PCGF5: variants seen among roughly 807,000 people sequenced by gnomAD.
The protein encoded by PCGF5 is polycomb group ring finger 5, also known as polycomb group RING finger protein 5.
PCGF5 carries 9 observed loss-of-function variants against 44.3 expected under a neutral mutation model. The ratio of observed to expected loss-of-function variants is 0.20; its 90% CI spans 0.12 to 0.35. The LOEUF is 0.35. Ranked by LOEUF, PCGF5 falls within the 10% of genes least tolerant of loss-of-function variation. PCGF5 has a pLI of 1.00. For missense variants in PCGF5, 146 were observed against 305.3 expected (o/e 0.48, Z 3.89); for synonymous variants, 95 against 102.5 (o/e 0.93, Z 0.44).
rs1248903938 is a variant in PCGF5 at position 91,283,888 on chromosome 10, A to G, written c.*5572A>G. The stretch of plus-strand genomic sequence containing the variant: ...CAAAAGTGGTAACATCTTAATACAA[A>G]TAAAAACCTTTTTGTGGTTGTAAGA... On this transcript the variant is annotated 3_prime_UTR_variant, in exon 10 of 10. Coordinates refer to ENST00000336126, the MANE Select transcript of PCGF5 (RefSeq NM_032373.5). 1 of 152,686 alleles carries G rather than the reference A, an allele frequency of 6.5e-6. No homozygotes were observed. Among genetic ancestry groups the G allele is most frequent in the Admixed American group, 6.5e-5 (1 of 15,284 alleles). The allele number at this position is 152,686 out of a possible 1,614,324, so 9.5% of individuals were successfully genotyped here.
At chr10:91,159,229 G>T (rs1843351640), upstream of PCGF5, among the ~76,000 whole-genome samples, 1 of 152,102 alleles carries the variant, frequency 6.6e-6, no homozygotes, top group African/African-American at 2.4e-5. Flanking sequence ...TTTACTAGCT[G>T]GATAGCCACA....
intron 6 of PCGF5, among the ~76,000 whole-genome samples, chr10:91,256,923 C>T (rs1328770960): frequency 6.6e-6 from 1 of 151,752 alleles, no homozygotes; most frequent in Non-Finnish European, 1.5e-5. Context: ...GAAATGACAC[C>T]AAAAGCACAA....
intron 8 of PCGF5, among the ~76,000 whole-genome samples, chr10:91,270,312 T>C (rs1431804167): frequency 6.6e-6 from 1 of 152,142 alleles, no homozygotes; most frequent in Non-Finnish European, 1.5e-5. Context: ...CTTTGCTTTA[T>C]TTGCATTAGT....
intron 6 of PCGF5, among the ~76,000 whole-genome samples, chr10:91,260,255 A>G (rs1185454341): frequency 1.3e-5 from 2 of 152,204 alleles, no homozygotes; most frequent in Non-Finnish European, 2.9e-5. Context: ...TCAAACCACA[A>G]TGAGATACCA....
chr10:91,249,149 T>G (rs928469152), intron 5 of PCGF5, among the ~76,000 whole-genome samples: 3 of 151,880 alleles, frequency 2.0e-5, no homozygotes, highest in Admixed American at 2.0e-4. Context: ...CAGGAGATTT[T>G]ACTATGCTCT....
chr10:91,275,984 T>C (rs891834864), intron 9 of PCGF5, among the ~76,000 whole-genome samples: 14 of 152,008 alleles, frequency 9.2e-5, no homozygotes, highest in Non-Finnish European at 1.6e-4. Flanking sequence ...CAGCATAATA[T>C]ACAGCTGTTA....
intron 1 of PCGF5, among the ~76,000 whole-genome samples, chr10:91,188,337 G>A (rs1370305342): frequency 6.6e-6 from 1 of 152,176 alleles, no homozygotes; most frequent in Admixed American, 6.5e-5. Flanking sequence ...ACCTGGAAAA[G>A]CAGATGGATG....
At chr10:91,182,537 C>T (rs1167103637) in intron 1 of PCGF5, among the ~76,000 whole-genome samples, 1 of 151,992 alleles carries the variant, frequency 6.6e-6, no homozygotes, top group Non-Finnish European at 1.5e-5. Context: ...TTTCATGTCA[C>T]GATCTCCTTT....
chr10:91,234,248 G>A (rs144613662), intron 2 of PCGF5, among the ~76,000 whole-genome samples: 4 of 152,250 alleles, frequency 2.6e-5, no homozygotes, highest in East Asian at 1.9e-4. Flanking sequence ...ATTGGGAAGC[G>A]GCAAAACAAA....
At chr10:91,172,807 C>T (rs1843633607) in intron 1 of PCGF5, among the ~76,000 whole-genome samples, 1 of 152,168 alleles carries the variant, frequency 6.6e-6, no homozygotes, top group Non-Finnish European at 1.5e-5. Flanking sequence ...GCTTTCACAG[C>T]TATATTTAGT....
intron 2 of PCGF5, among the ~76,000 whole-genome samples, chr10:91,236,741 T>A (rs536889968): frequency 5.9e-5 from 9 of 152,350 alleles, no homozygotes; most frequent in African/African-American, 2.2e-4. Flanking sequence ...AACCAAATCC[T>A]CATTTTACTT....
chr10:91,197,590 T>A (rs1350504105), intron 1 of PCGF5, among the ~76,000 whole-genome samples: 2 of 152,122 alleles, frequency 1.3e-5, no homozygotes, highest in Non-Finnish European at 2.9e-5. Flanking sequence ...TGGTATGAGC[T>A]CACAAAGAAC....
chr10:91,231,804 A>T (rs2133313800), intron 2 of PCGF5, among the ~76,000 whole-genome samples: 1 of 152,342 alleles, frequency 6.6e-6, no homozygotes, highest in East Asian at 1.9e-4. Context: ...CATTGCAGTA[A>T]TCCAGGCAGG....
intron 5 of PCGF5, among the ~76,000 whole-genome samples, chr10:91,249,408 T>C (rs1398853691): frequency 7.1e-5 from 6 of 84,602 alleles, no homozygotes; most frequent in African/African-American, 2.8e-4. Context: ...TATATATATA[T>C]ATATATATAT....
intron 3 of PCGF5, 71 bp from the exon 4 acceptor site, chr10:91,248,434 A>G: frequency 7.6e-7 from 1 of 1,323,756 alleles, no homozygotes; most frequent in Non-Finnish European, 1.1e-6. Flanking sequence ...AAGATTATAC[A>G]TCTCAGACTA....
intron 3 of PCGF5, 61 bp from the exon 4 acceptor site, chr10:91,248,444 A>G (rs929035174): frequency 4.3e-6 from 6 of 1,400,576 alleles, no homozygotes; most frequent in African/African-American, 1.4e-5. Flanking sequence ...ATCTCAGACT[A>G]TTTACATGTC....
upstream of PCGF5, among the ~76,000 whole-genome samples, chr10:91,219,843 C>G (rs180750680): frequency 1.3e-5 from 2 of 152,026 alleles, no homozygotes; most frequent in South Asian, 2.1e-4. Context: ...GCTGGACTAG[C>G]GGTTGTTAAG....
intron 2 of PCGF5, chr10:91,227,887 G>T: frequency 2.0e-5 from 20 of 983,674 alleles, no homozygotes; most frequent in Non-Finnish European, 2.4e-5. Context: ...TCTAAGATGT[G>T]CCCTACCACC....
chr10:91,253,317 T>C (rs1845666368), intron 6 of PCGF5, among the ~76,000 whole-genome samples: 1 of 151,968 alleles, frequency 6.6e-6, no homozygotes, highest in Non-Finnish European at 1.5e-5. Flanking sequence ...AGTTTTTCAA[T>C]CCTGTCTCGC....
Sources: gnomAD v4.1 joint callset for allele counts (sites outside exome capture counted in the v4.1 genomes callset) on GRCh38, gnomAD v4.1.1 for gene constraint, MANE v1.5 for transcripts, NCBI Gene and HGNC (gene_info 2026-07-23, HGNC 2026-07-21) for gene names.